The following COL14A1 variants were observed in gnomAD, a reference collection of about 807,000 sequenced individuals.
COL14A1 encodes the protein collagen alpha-1(XIV) chain.
A neutral mutation model predicts 230.3 loss-of-function variants in COL14A1; 136 were observed. That is an observed-to-expected ratio of 0.59 (90% CI 0.51 to 0.68). The LOEUF (loss-of-function observed/expected upper bound fraction) is 0.68. Ranked by LOEUF, COL14A1 falls within the 30% of genes least tolerant of loss-of-function variation. The pLI, the probability that COL14A1 is intolerant of heterozygous loss-of-function variation, is 0.00. For synonymous variants in COL14A1, 792 were observed against 784.1 expected, an observed-to-expected ratio of 1.01 and a Z score of -0.17; for missense variants, 1,976 against 2,215.8, an observed-to-expected ratio of 0.89 and a Z score of 2.17.
At chr8:120,195,206 C>A (rs528385883) in intron 5 of COL14A1, among the ~76,000 whole-genome samples, 1 of 152,122 alleles carries the variant, frequency 6.6e-6, no homozygotes, top group East Asian at 1.9e-4. Flanking sequence ...CGCAGAGACA[C>A]GTATATTAAA....
intron 46 of COL14A1, among the ~76,000 whole-genome samples, chr8:120,367,650 A>T (rs1257051748): frequency 6.6e-6 from 1 of 152,080 alleles, no homozygotes; most frequent in Admixed American, 6.6e-5. Context: ...AAGAAGGCAC[A>T]TCGGGCTGGG....
Position 120,285,919 on chromosome 8 carries a change from T to C in COL14A1, c.4026T>C (p.Val1342=), listed in dbSNP as rs1471937190. The change falls in exon 33 of 48, where the codon GTT becomes GTC. Residue 1342 remains valine, a synonymous_variant. Coordinates refer to ENST00000297848, the MANE Select transcript of COL14A1 (RefSeq NM_021110.4). ...NYDQSGDFQT[V]TFEGPEIRKI... ...ACCAGAGTGGGGATTTTCAAACTGT[T>C]ACTTTCGAAGGACCTGAAATTAGGA... 2.5e-6 allele frequency: 4 copies of C among 1,611,960 alleles called. No homozygotes were observed. Among genetic ancestry groups the C allele is most frequent in the Non-Finnish European group, 3.4e-6 (4 of 1,178,330 alleles).
chr8:120,225,057 G>C, intron 14 of COL14A1, 31 bp from the exon 15 acceptor site: 1 of 1,599,524 alleles, frequency 6.3e-7, no homozygotes, highest in Non-Finnish European at 8.5e-7. Context: ...GCATTAGATA[G>C]AGCTGTTATT....
chr8:120,362,468 C>T (rs530267177), intron 45 of COL14A1, among the ~76,000 whole-genome samples: 67 of 152,242 alleles, frequency 4.4e-4, no homozygotes, highest in African/African-American at 1.4e-3. Context: ...TTCTTGAGTG[C>T]TTAATGTGTG....
chr8:120,327,931 A>G (rs1821737993), intron 40 of COL14A1, among the ~76,000 whole-genome samples: 1 of 150,848 alleles, frequency 6.6e-6, no homozygotes. Flanking sequence ...CGCCTGGCTA[A>G]GTTTTGTATT....
At chr8:120,265,157 C>T (rs1158471) in intron 24 of COL14A1, among the ~76,000 whole-genome samples, 28,266 of 151,958 alleles carry the variant, frequency 0.19, 3,095 homozygotes, top group African/African-American at 0.29. Flanking sequence ...CCCCAGTTCA[C>T]TGTGGTTCTT....
At chr8:120,183,993 C>T (rs539110602) in intron 5 of COL14A1, among the ~76,000 whole-genome samples, 23 of 152,142 alleles carry the variant, frequency 1.5e-4, no homozygotes, top group Admixed American at 1.3e-3. Context: ...ATGGTGGACA[C>T]GTTATTTAAC....
intron 2 of COL14A1, among the ~76,000 whole-genome samples, chr8:120,153,500 AT>A (rs79287281): frequency 6.6e-6 from 1 of 152,200 alleles, no homozygotes; most frequent in Non-Finnish European, 1.5e-5. Context: ...TCAAAAAAGA[AT>A]TTTTTTGTTT....
Position 120,250,744 on chromosome 8 carries a change from C to T in COL14A1, c.2730C>T (p.Ala910=), listed in dbSNP as rs1252492793. The change falls in exon 22 of 48, where the codon GCC becomes GCT. Residue 910 remains alanine, a synonymous_variant. Transcript: ENST00000297848. ...CCCAGGCCTCAGGCTTCAGCGACGC[C>T]CTGACAGGCATGGTGAAAACATGTA... ...FASQASGFSD[A]LTGMVKTLFL... 3 of 1,614,054 alleles carry T rather than the reference C, an allele frequency of 1.9e-6. No individual in the cohort carries two copies. Among genetic ancestry groups the T allele is most frequent in the East Asian group, 4.5e-5 (2 of 44,894 alleles).
chr8:120,342,254 A>T, intron 43 of COL14A1, 126 bp from the exon 44 acceptor site: 1 of 876,284 alleles, frequency 1.1e-6, no homozygotes, highest in African/African-American at 1.6e-5. Context: ...GGTCAAACCC[A>T]CCTGTTGCTA....
intron 22 of COL14A1, among the ~76,000 whole-genome samples, chr8:120,251,594 C>T (rs953465040): frequency 1.1e-4 from 16 of 152,210 alleles, no homozygotes; most frequent in African/African-American, 3.9e-4. Context: ...ATTCCAGCAC[C>T]TGTGTGCCAT....
At chr8:120,132,061 G>GA (rs1814549454) in intron 1 of COL14A1, among the ~76,000 whole-genome samples, 1 of 151,838 alleles carries the variant, frequency 6.6e-6, no homozygotes, top group South Asian at 2.1e-4. Flanking sequence ...TGTTAGCCAG[G>GA]ATGGTCTTGA....
chr8:120,300,365 A>C (rs908958737), intron 35 of COL14A1, among the ~76,000 whole-genome samples: 1 of 152,136 alleles, frequency 6.6e-6, no homozygotes, highest in Admixed American at 6.6e-5. Context: ...AAACAGAAAA[A>C]TTATTGTAGC....
intron 2 of COL14A1, among the ~76,000 whole-genome samples, chr8:120,148,987 A>T (rs1815184827): frequency 6.6e-6 from 1 of 152,242 alleles, no homozygotes; most frequent in African/African-American, 2.4e-5. Flanking sequence ...CTTTCATGCT[A>T]CAGTGACAGA....
intron 1 of COL14A1, among the ~76,000 whole-genome samples, chr8:120,133,144 A>G (rs1481327317): frequency 6.6e-6 from 1 of 151,628 alleles, no homozygotes; most frequent in Non-Finnish European, 1.5e-5. Context: ...TGAACCCGGG[A>G]GGCGGAGCTT....
At position 120,266,896 on chromosome 8, in the gene COL14A1, T is replaced by G; in HGVS notation, c.3073+13T>G. ...CCAGCAAAAGAAGGTAAAAGAATAA[T>G]AGAATAATTATCTGATTCTAGGTTT... On this transcript the variant is annotated intron_variant, in intron 25 of 47. Coordinates refer to ENST00000297848, the MANE Select transcript of COL14A1 (RefSeq NM_021110.4). 1 of 1,600,518 alleles carries G rather than the reference T, an allele frequency of 6.2e-7. No individual in the cohort carries two copies. The highest frequency in any genetic ancestry group is 8.6e-7 in the Non-Finnish European group (1 of 1,168,100).
At chr8:120,160,939 T>C (rs1354303345) in intron 3 of COL14A1, among the ~76,000 whole-genome samples, 1 of 152,194 alleles carries the variant, frequency 6.6e-6, no homozygotes, top group East Asian at 1.9e-4. Flanking sequence ...AATAAAATAA[T>C]ACACTCCATA....
chr8:120,125,925 G>T (rs907040309), intron 1 of COL14A1, among the ~76,000 whole-genome samples: 3 of 152,138 alleles, frequency 2.0e-5, no homozygotes, highest in Non-Finnish European at 2.9e-5. Context: ...GCTAGGTAGA[G>T]CTCGATGATG....
intron 15 of COL14A1, 110 bp from the exon 16 acceptor site, chr8:120,226,517 C>T (rs1818099756): frequency 8.5e-7 from 1 of 1,175,658 alleles, no homozygotes; most frequent in South Asian, 1.8e-5. Context: ...CCTGTGCTTT[C>T]CTAAAGCAAA....
Sources: gnomAD v4.1 joint callset for allele counts (sites outside exome capture counted in the v4.1 genomes callset) on GRCh38, gnomAD v4.1.1 for gene constraint, MANE v1.5 for transcripts, NCBI Gene and HGNC (gene_info 2026-07-23, HGNC 2026-07-21) for gene names.